Variants in ASDURF observed in about 807,000 individuals in gnomAD.
The protein encoded by ASDURF is ASDURF protein.
ASDURF carries 3 observed loss-of-function variants against 3.3 expected under a neutral mutation model. The ratio of observed to expected loss-of-function variants is 0.92; its 90% CI spans 0.42 to 2.37. ASDURF has a LOEUF of 2.37. Among genes scored for constraint, ASDURF ranks in the 30% most tolerant of loss-of-function variants. ASDURF has a pLI of 0.05. For synonymous variants in ASDURF, 11 were observed against 8.3 expected, an observed-to-expected ratio of 1.32 and a Z score of -0.55; for missense variants, 23 against 25.4, an observed-to-expected ratio of 0.90 and a Z score of 0.21.
intron 2 of ASDURF, among the ~76,000 whole-genome samples, chr2:189,664,314 T>C (rs1288488253): frequency 6.6e-6 from 1 of 152,206 alleles, no homozygotes; most frequent in Non-Finnish European, 1.5e-5. Flanking sequence ...TTTAAATGAA[T>C]GTGGATAATT....
Position 189,666,149 on chromosome 2 carries a change from G to T in ASDURF, c.*38G>T. The T allele has an allele frequency of 6.4e-6, 10 of 1,573,500 alleles. No homozygotes were observed. Among genetic ancestry groups the T allele is most frequent in the Non-Finnish European group, 8.6e-6 (10 of 1,161,286 alleles). ...CACATAACAATGTGTGGCATTTGTT[G>T]TTCTGTAAACTTTTCTGCTGAGCAT... On this transcript the variant is annotated 3_prime_UTR_variant, in exon 4 of 4. Coordinates refer to ENST00000607829, the MANE Select transcript of ASDURF (RefSeq NM_001353493.2).
Position 189,666,174 on chromosome 2 carries a change from T to C in ASDURF, c.*63T>C. ...GTTCTGTAAACTTTTCTGCTGAGCA[T>C]TTCAGTCAAGATTTAAAAGAGGACT... is the stretch of plus-strand genomic sequence containing the variant. On this transcript the variant is annotated 3_prime_UTR_variant, in exon 4 of 4. Transcript: ENST00000607829. 1 of 1,602,000 alleles carries C rather than the reference T, an allele frequency of 6.2e-7. No homozygotes were observed. Among genetic ancestry groups the C allele is most frequent in the Non-Finnish European group, 8.5e-7 (1 of 1,175,192 alleles).
In ASDURF at chr2:189,666,278, T is replaced by G. The variant is rs2105686313; in HGVS notation, c.*167T>G. The G allele has an allele frequency of 6.2e-7, 1 of 1,614,176 alleles. No homozygotes were observed. Among genetic ancestry groups the G allele is most frequent in the East Asian group, 2.2e-5 (1 of 44,880 alleles). On this transcript the variant is annotated 3_prime_UTR_variant, in exon 4 of 4. Coordinates refer to ENST00000607829, the MANE Select transcript of ASDURF (RefSeq NM_001353493.2). ...TCTGATGTTAACTACCAGTGTTTAT[T>G]TTCTGCTCACGTCCTACACTTGAGG...
chr2:189,663,802 C>G (rs2032727272), intron 1 of ASDURF, 99 bp from the exon 2 acceptor site: 1 of 349,706 alleles, frequency 2.9e-6, no homozygotes, highest in Non-Finnish European at 5.2e-6. Context: ...CATCATAGCC[C>G]CTTATCCCAT....
At position 189,666,366 on chromosome 2, in the gene ASDURF, A is replaced by C. The variant is rs778836315; in HGVS notation, c.*255A>C. The C allele has an allele frequency of 6.2e-7, 1 of 1,613,802 alleles. No homozygotes were observed. Among genetic ancestry groups the C allele is most frequent in the East Asian group, 2.2e-5 (1 of 44,870 alleles). ...GCAATGTGTTTCTATGGAATGGAGAAATTTTTAGTGGAATAAAGGTTGAAG... is the reference window on the plus strand; with the variant it reads ...GCAATGTGTTTCTATGGAATGGAGACATTTTTAGTGGAATAAAGGTTGAAG... On this transcript the variant is annotated 3_prime_UTR_variant, in exon 4 of 4. Transcript: ENST00000607829.
At chr2:189,662,531 G>C (rs192622729) in intron 1 of ASDURF, among the ~76,000 whole-genome samples, 1 of 152,110 alleles carries the variant, frequency 6.6e-6, no homozygotes, top group African/African-American at 2.4e-5. Flanking sequence ...CTCTGCCAAC[G>C]GGGGAGACAG....
rs2032793129 is a variant in ASDURF, at chr2:189,666,043, A to G, written c.223A>G (p.Ile75Val). The G allele has an allele frequency of 7.4e-7, 1 of 1,347,886 alleles. No individual in the cohort carries two copies. The highest frequency in any genetic ancestry group is 1.5e-5 in the African/African-American group (1 of 68,206). 83.5% of individuals were successfully genotyped at this position (1,347,886 alleles called of 1,614,324 possible). ...TTTATTCTCCTTCCCTGCAACAGAT[A>G]TATTGGATGAACTGAAAAAAGAATA... ...RTEMLSESKNILDELKKEYQE... is the reference protein window; with the variant it reads ...RTEMLSESKNVLDELKKEYQE... The change falls in exon 4 of 4, where the codon ATA (isoleucine) becomes GTA (valine). Residue 75 changes from isoleucine (I) to valine (V), a missense_variant and splice_region_variant. Ile to Val is a conservative substitution (Grantham distance 29). Coordinates refer to ENST00000607829, the MANE Select transcript of ASDURF (RefSeq NM_001353493.2).
intron 1 of ASDURF, among the ~76,000 whole-genome samples, chr2:189,661,960 AC>A (rs2032676360): frequency 6.6e-6 from 1 of 152,060 alleles, no homozygotes; most frequent in South Asian, 2.1e-4. Flanking sequence ...CATGCCAGCA[AC>A]CCGGGGTCCA....
chr2:189,665,596 GTGTATATATATATATATATA>G lies in ASDURF; in HGVS notation c.220+147_220+166del, dbSNP rs1252252170. The G allele has an allele frequency of 2.1e-3, 231 of 111,576 alleles. 11 individuals carry two copies. Among genetic ancestry groups the G allele is most frequent in the Middle Eastern group, 4.2e-3 (1 of 236 alleles). The allele number at this position is 111,576 out of a possible 1,614,324, so 6.9% of individuals were successfully genotyped here. A position where few individuals can be genotyped will look rare whatever the true frequency, so the allele number is the denominator to read the frequency against. On this transcript the variant is annotated intron_variant, in intron 3 of 3. Transcript: ENST00000607829. The stretch of plus-strand genomic sequence containing the variant: ...GATGAGTCAACAGTTATATATATAT[GTGTATATATATATATATATA>G]TATATATATATATATATATATATAT...
intron 2 of ASDURF, 112 bp downstream of exon 2, chr2:189,664,066 T>C (rs762951565): frequency 5.9e-6 from 2 of 336,330 alleles, no homozygotes; most frequent in Non-Finnish European, 1.1e-5. Context: ...ATAAAATGTA[T>C]AGTATTTCAG....
At position 189,666,029 on chromosome 2, in the gene ASDURF, T is replaced by C. The variant is rs1308387325; in HGVS notation, c.221-12T>C. The C allele has an allele frequency of 2.4e-6, 3 of 1,250,384 alleles. No individual in the cohort carries two copies. The highest frequency in any genetic ancestry group is 3.3e-6 in the Non-Finnish European group (3 of 918,152). The allele number at this position is 1,250,384 out of a possible 1,614,324, so 77.5% of individuals were successfully genotyped here. A position where few individuals can be genotyped will look rare whatever the true frequency, so the allele number is the denominator to read the frequency against. On this transcript the variant is annotated splice_polypyrimidine_tract_variant and intron_variant, in intron 3 of 3. Coordinates refer to ENST00000607829, the MANE Select transcript of ASDURF (RefSeq NM_001353493.2). ...TATGTTATTTAATATTTATTCTCCT[T>C]CCCTGCAACAGATATATTGGATGAA... is the stretch of plus-strand genomic sequence containing the variant.
chr2:189,666,240 A>G lies in ASDURF; in HGVS notation c.*129A>G, dbSNP rs2032799761. The G allele has an allele frequency of 6.2e-7, 1 of 1,614,122 alleles. No individual in the cohort carries two copies. The highest frequency in any genetic ancestry group is 1.1e-5 in the South Asian group (1 of 91,078). On this transcript the variant is annotated 3_prime_UTR_variant, in exon 4 of 4. Transcript: ENST00000607829. ...AACAGCGGGGACCCAATAGTAGTAA[A>G]CAATTGTTAAAGTCTGATGTTAACT...
At chr2:189,665,993 C>T in intron 3 of ASDURF, 48 bp from the exon 4 acceptor site, 1 of 972,740 alleles carries the variant, frequency 1.0e-6, no homozygotes, top group Non-Finnish European at 1.4e-6. Flanking sequence ...AGGTAAAAGT[C>T]CAAGAATTTT....
At chr2:189,662,661 G>A (rs1447441417) in intron 1 of ASDURF, among the ~76,000 whole-genome samples, 1 of 152,164 alleles carries the variant, frequency 6.6e-6, no homozygotes, top group African/African-American at 2.4e-5. Context: ...AGGTGTGTGT[G>A]AGGTAGCACA....
intron 2 of ASDURF, 142 bp downstream of exon 2, chr2:189,664,096 T>C (rs573704643): frequency 2.8e-4 from 93 of 328,396 alleles, no homozygotes; most frequent in Non-Finnish European, 4.7e-4. Context: ...AAATTGCAAG[T>C]GTCTAGATTC....
chr2:189,664,193 G>C (rs2032735305), intron 2 of ASDURF, among the ~76,000 whole-genome samples: 1 of 152,052 alleles, frequency 6.6e-6, no homozygotes. Context: ...AATGATACTA[G>C]TTGTATTTTG....
intron 1 of ASDURF, among the ~76,000 whole-genome samples, chr2:189,663,562 T>C (rs1262902930): frequency 6.6e-6 from 1 of 152,174 alleles, no homozygotes; most frequent in Non-Finnish European, 1.5e-5. Flanking sequence ...CTGGTGTATA[T>C]CATATATTTT....
chr2:189,662,889 C>CA (rs2032699359), intron 1 of ASDURF, among the ~76,000 whole-genome samples: 1 of 144,810 alleles, frequency 6.9e-6, no homozygotes, highest in African/African-American at 2.6e-5. Context: ...ATCAAAGCTG[C>CA]AGTGAGCCGT....
At chr2:189,663,016 G>A (rs1250351861) in intron 1 of ASDURF, among the ~76,000 whole-genome samples, 2 of 146,700 alleles carry the variant, frequency 1.4e-5, no homozygotes, top group African/African-American at 5.1e-5. Flanking sequence ...GAGATAAAAA[G>A]AGGGAAAAAT....
Sources: gnomAD v4.1 joint callset for allele counts (sites outside exome capture counted in the v4.1 genomes callset) on GRCh38, gnomAD v4.1.1 for gene constraint, MANE v1.5 for transcripts, NCBI Gene and HGNC (gene_info 2026-07-23, HGNC 2026-07-21) for gene names.